Variants in SLC23A2 observed in about 807,000 individuals in gnomAD.
SLC23A2 encodes the protein solute carrier family 23 member 2.
SLC23A2 carries 36 observed loss-of-function variants against 73.3 expected under a neutral mutation model. The observed-to-expected ratio is 0.49, with a 90% CI of 0.38 to 0.65. SLC23A2 has a LOEUF of 0.65. SLC23A2 is among the 30% of genes least tolerant of loss of function. The pLI, the probability that SLC23A2 is intolerant of heterozygous loss-of-function variation, is 0.00. For missense variants in SLC23A2, 507 were observed against 841.6 expected (o/e 0.60, Z 4.92); for synonymous variants, 343 against 327.3 (o/e 1.05, Z -0.52).
At chr20:4,860,366 C>G (rs1022792024) in intron 15 of SLC23A2, among the ~76,000 whole-genome samples, 3 of 152,192 alleles carry the variant, frequency 2.0e-5, no homozygotes, top group African/African-American at 7.2e-5. Context: ...AAACAAGAGT[C>G]CTTTTTGCGG....
intron 1 of SLC23A2, among the ~76,000 whole-genome samples, chr20:4,972,351 CTT>C (rs766605621): frequency 6.5e-5 from 9 of 137,928 alleles, no homozygotes; most frequent in Admixed American, 7.4e-5. Flanking sequence ...ATTAATGAGT[CTT>C]TTTTTTTTTT....
chr20:4,989,626 T>TATA (rs376612425), intron 1 of SLC23A2, among the ~76,000 whole-genome samples: 52,521 of 151,636 alleles, frequency 0.35, 9,809 homozygotes, highest in Admixed American at 0.41. Context: ...CAGTGAGCCA[T>TATA]GATCTTGCCA....
intron 2 of SLC23A2, among the ~76,000 whole-genome samples, chr20:4,942,992 T>C (rs974426018): frequency 6.6e-5 from 10 of 151,888 alleles, no homozygotes; most frequent in East Asian, 5.8e-4. Context: ...GTTGGGAAGA[T>C]TGCTTGAGGC....
chr20:4,886,234 C>T (rs1465257424), intron 6 of SLC23A2, among the ~76,000 whole-genome samples: 2 of 152,230 alleles, frequency 1.3e-5, no homozygotes. Context: ...TTGAGGTTCC[C>T]TCTTTCCTGC....
chr20:4,867,234 TC>T (rs916195295), intron 13 of SLC23A2, among the ~76,000 whole-genome samples: 4 of 151,992 alleles, frequency 2.6e-5, no homozygotes, highest in Non-Finnish European at 5.9e-5. Flanking sequence ...TTGCTGACCT[TC>T]CACTTCCAGG....
At chr20:4,859,411 A>T in intron 15 of SLC23A2, 27 bp from the exon 16 acceptor site, 2 of 1,481,902 alleles carry the variant, frequency 1.3e-6, no homozygotes, top group Non-Finnish European at 1.9e-6. Flanking sequence ...GCCATAAACG[A>T]TCAGTGCCAC....
At chr20:4,869,405 T>TA (rs199826860) in intron 12 of SLC23A2, among the ~76,000 whole-genome samples, 4,157 of 118,782 alleles carry the variant, frequency 0.035, 170 homozygotes, top group African/African-American at 0.11. Flanking sequence ...TCAGTTTGTG[T>TA]AAAAAAAAAA....
rs78326881 is a variant in SLC23A2 at position 4,978,531 on chromosome 20, G to C, written c.-281-7612C>G. On this transcript the variant is annotated intron_variant, in intron 1 of 16. Transcript: ENST00000338244. ...TGCTGAAAGACAGTGCTTAATGAAG[G>C]GGGTGGAAAGAATGAACAAAAGGGG... 2.3e-3 allele frequency among the ~76,000 whole-genome samples: 349 copies of C among 152,258 alleles called. 2 individuals carry two copies. Among genetic ancestry groups the C allele is most frequent in the African/African-American group, 7.6e-3 (314 of 41,554 alleles).
intron 3 of SLC23A2, among the ~76,000 whole-genome samples, chr20:4,913,868 C>T (rs1932240615): frequency 1.3e-5 from 2 of 151,806 alleles, no homozygotes; most frequent in South Asian, 4.2e-4. Context: ...CTCAGGTGAT[C>T]CACTCACCTC....
chr20:4,859,264 AG>A, intron 16 of SLC23A2, 24 bp downstream of exon 16: 1 of 1,345,094 alleles, frequency 7.4e-7, no homozygotes, highest in Non-Finnish European at 1.0e-6. Context: ...AAAAAAAAAA[AG>A]TGTGTTTGAT....
chr20:4,916,014 A>G (rs1932309921), intron 3 of SLC23A2, among the ~76,000 whole-genome samples: 1 of 152,090 alleles, frequency 6.6e-6, no homozygotes, highest in Non-Finnish European at 1.5e-5. Context: ...ATTAGTACAT[A>G]CTCCTACAGA....
At chr20:5,004,012 T>C (rs767842370), upstream of SLC23A2, among the ~76,000 whole-genome samples, 1 of 152,018 alleles carries the variant, frequency 6.6e-6, no homozygotes, top group Non-Finnish European at 1.5e-5. Context: ...AGTCTAGAAA[T>C]GTTAGTTTCC....
intron 1 of SLC23A2, among the ~76,000 whole-genome samples, chr20:4,984,623 T>C (rs895985686): frequency 6.6e-5 from 10 of 151,658 alleles, no homozygotes; most frequent in African/African-American, 2.4e-4. Context: ...TAGACATCAC[T>C]GCAAAGACAG....
chr20:4,974,107 G>A (rs921186034), intron 1 of SLC23A2, among the ~76,000 whole-genome samples: 4 of 152,106 alleles, frequency 2.6e-5, no homozygotes, highest in African/African-American at 9.7e-5. Context: ...CAGAACCTTT[G>A]AACAGCCAAA....
chr20:4,993,128 C>T (rs1011328646), intron 1 of SLC23A2, among the ~76,000 whole-genome samples: 6 of 151,492 alleles, frequency 4.0e-5, no homozygotes, highest in African/African-American at 1.5e-4. Context: ...AACACACACA[C>T]AAAAAATTAG....
chr20:4,860,950 AGAATCGCTT>A (rs1280558134), intron 15 of SLC23A2, among the ~76,000 whole-genome samples: 1 of 152,206 alleles, frequency 6.6e-6, no homozygotes, highest in Non-Finnish European at 1.5e-5. Flanking sequence ...CTGAGGCAGG[AGAATCGCTT>A]GAACCCAGGA....
intron 1 of SLC23A2, among the ~76,000 whole-genome samples, chr20:5,008,035 G>C (rs777201409): frequency 9.2e-5 from 14 of 151,846 alleles, no homozygotes; most frequent in Admixed American, 5.3e-4. Context: ...TCAGCCTCCT[G>C]AGTAGCTGGG....
At chr20:4,987,101 C>T (rs1231445891) in intron 1 of SLC23A2, among the ~76,000 whole-genome samples, 3 of 151,920 alleles carry the variant, frequency 2.0e-5, no homozygotes, top group African/African-American at 7.3e-5. Flanking sequence ...ACATGCAGGC[C>T]CCAAACTCAC....
chr20:4,959,293 A>C (rs898478478), intron 2 of SLC23A2, among the ~76,000 whole-genome samples: 1 of 152,076 alleles, frequency 6.6e-6, no homozygotes, highest in African/African-American at 2.4e-5. Context: ...CCAAGTGCTG[A>C]CAAGTTACTG....
Sources: allele counts gnomAD v4.1 joint callset (sites outside exome capture counted in the v4.1 genomes callset), GRCh38; gene constraint gnomAD v4.1.1; transcripts MANE v1.5; gene names NCBI Gene and HGNC (gene_info 2026-07-23, HGNC 2026-07-21).